The following ZMAT4 variants were observed in gnomAD, a reference collection of about 807,000 sequenced individuals.
ZMAT4 encodes the protein zinc finger matrin-type protein 4.
ZMAT4 carries 17 observed loss-of-function variants against 28.7 expected under a neutral mutation model. That is an observed-to-expected ratio of 0.59 (90% CI 0.41 to 0.89). The LOEUF (loss-of-function observed/expected upper bound fraction) is 0.89, where lower values mean the gene tolerates loss of function less well. Ranked by LOEUF, ZMAT4 falls within the 40% of genes least tolerant of loss-of-function variation. ZMAT4 has a pLI of 0.00. For missense variants in ZMAT4, 240 were observed against 283.8 expected (o/e 0.85, Z 1.11); for synonymous variants, 117 against 109.2 (o/e 1.07, Z -0.44).
At chr8:40,887,031 C>G (rs1008331265) in intron 1 of ZMAT4, among the ~76,000 whole-genome samples, 5 of 151,440 alleles carry the variant, frequency 3.3e-5, no homozygotes, top group Non-Finnish European at 5.9e-5. Flanking sequence ...ATTAACCTGG[C>G]GTGGTGGCGG....
chr8:40,611,733 CT>C (rs1203326489), intron 5 of ZMAT4, among the ~76,000 whole-genome samples: 4 of 152,184 alleles, frequency 2.6e-5, no homozygotes, highest in Non-Finnish European at 5.9e-5. Flanking sequence ...GGATTTCCTT[CT>C]GGAGAAAATG....
chr8:40,686,813 C>T (rs761766032), intron 4 of ZMAT4, among the ~76,000 whole-genome samples: 1 of 151,990 alleles, frequency 6.6e-6, no homozygotes, highest in South Asian at 2.1e-4. Flanking sequence ...GGTTCAATTT[C>T]ACAACCTTGT....
At chr8:40,879,559 A>T (rs1433935494) in intron 1 of ZMAT4, among the ~76,000 whole-genome samples, 1 of 152,242 alleles carries the variant, frequency 6.6e-6, no homozygotes, top group Non-Finnish European at 1.5e-5. Context: ...GCCAGGACGG[A>T]TCCATAGTAA....
At chr8:40,879,275 T>C (rs1019532137) in intron 1 of ZMAT4, among the ~76,000 whole-genome samples, 2 of 152,046 alleles carry the variant, frequency 1.3e-5, no homozygotes, top group Non-Finnish European at 2.9e-5. Flanking sequence ...TTTAAAAAAT[T>C]AGCCAGGCAT....
intron 3 of ZMAT4, among the ~76,000 whole-genome samples, chr8:40,729,330 G>A (rs2150524672): frequency 2.0e-5 from 3 of 152,238 alleles, no homozygotes; most frequent in Middle Eastern, 6.8e-3. Context: ...TCTGTGTATT[G>A]TGCTGACCTT....
intron 5 of ZMAT4, among the ~76,000 whole-genome samples, chr8:40,622,361 C>CT (rs1305961287): frequency 5.9e-5 from 9 of 152,184 alleles, no homozygotes; most frequent in African/African-American, 1.9e-4. Flanking sequence ...TTCTCCAACA[C>CT]TTAAGGGGAG....
At chr8:40,760,708 C>CTCTCTCTT (rs1554552276) in intron 3 of ZMAT4, among the ~76,000 whole-genome samples, 1 of 147,814 alleles carries the variant, frequency 6.8e-6, no homozygotes, top group African/African-American at 2.5e-5. Context: ...CTGTCACAGT[C>CTCTCTCTT]TCTCTCTCTC....
At chr8:40,631,438 G>A (rs1424435752) in intron 5 of ZMAT4, among the ~76,000 whole-genome samples, 6 of 152,150 alleles carry the variant, frequency 3.9e-5, no homozygotes, top group East Asian at 1.9e-4. Context: ...GATTACAAAC[G>A]TGAGCCACCG....
At chr8:40,606,349 A>C (rs757131047) in intron 5 of ZMAT4, among the ~76,000 whole-genome samples, 3 of 152,156 alleles carry the variant, frequency 2.0e-5, no homozygotes, top group Non-Finnish European at 4.4e-5. Context: ...AGCTCCTTTT[A>C]GCAGTTCTTG....
chr8:40,721,940 A>G (rs1004725567), intron 3 of ZMAT4, among the ~76,000 whole-genome samples: 2 of 152,038 alleles, frequency 1.3e-5, no homozygotes, highest in African/African-American at 2.4e-5. Flanking sequence ...TCCCTATTTA[A>G]TAAATTGTGC....
chr8:40,709,404 A>G (rs532967399), intron 3 of ZMAT4, among the ~76,000 whole-genome samples: 3 of 152,202 alleles, frequency 2.0e-5, no homozygotes, highest in Non-Finnish European at 2.9e-5. Flanking sequence ...ACACAAAAAA[A>G]TTTTTCAGTA....
chr8:40,697,428 T>C (rs1809939841), intron 3 of ZMAT4, 27 bp from the exon 4 acceptor site: 1 of 1,511,804 alleles, frequency 6.6e-7, no homozygotes, highest in African/African-American at 1.4e-5. Context: ...AAAGGCCACG[T>C]GTGAGAGAAA....
chr8:40,655,059 T>TACACACACACATACACACACACAC (rs1554534104), intron 5 of ZMAT4, among the ~76,000 whole-genome samples: 1 of 148,792 alleles, frequency 6.7e-6, no homozygotes, highest in African/African-American at 2.5e-5. Context: ...AAGGAATACC[T>TACACACACACATACACACACACAC]ACACACACAC....
intron 5 of ZMAT4, among the ~76,000 whole-genome samples, chr8:40,640,053 T>C (rs796386821): frequency 6.6e-6 from 1 of 152,304 alleles, no homozygotes; most frequent in East Asian, 1.9e-4. Flanking sequence ...CATAGTTCAC[T>C]GTAGCCTCAA....
At chr8:40,651,779 A>G (rs1417726400) in intron 5 of ZMAT4, among the ~76,000 whole-genome samples, 11 of 145,030 alleles carry the variant, frequency 7.6e-5, no homozygotes, top group Non-Finnish European at 1.2e-4. Context: ...ATAACGCCGC[A>G]TATCTACAAC....
rs1164690990 is a variant in ZMAT4, at chr8:40,742,230, AGAGT to A, written c.192+25407_192+25410del. ...ACCACCGCACTCCAGCCTGGGTGAC[AGAGT>A]GAGACCCTGTCTCGAAAAAAAAGTA... On this transcript the variant is annotated intron_variant, in intron 3 of 6. Transcript: ENST00000297737. Among the ~76,000 whole-genome samples the A allele has an allele frequency of 3.3e-5, 5 of 152,130 alleles. No homozygotes were observed. The South Asian group carries it at 1.0e-3, about 32-fold the overall frequency.
intron 2 of ZMAT4, among the ~76,000 whole-genome samples, chr8:40,824,314 A>G (rs1349891414): frequency 1.3e-5 from 2 of 152,206 alleles, no homozygotes; most frequent in Admixed American, 6.5e-5. Flanking sequence ...GTGCAGTGGC[A>G]TGTGCCTGTA....
In ZMAT4 at chr8:40,711,859, C is replaced by T. The variant is rs144462733; in HGVS notation, c.193-14458G>A. On this transcript the variant is annotated intron_variant, in intron 3 of 6. Coordinates refer to ENST00000297737, the MANE Select transcript of ZMAT4 (RefSeq NM_024645.3). ...TGGGAAAAGCTTCTGGAATGATTGG[C>T]AAAGATCTATTTCACAACCTGGGTA... 1.3e-4 allele frequency among the ~76,000 whole-genome samples: 20 copies of T among 152,188 alleles called. 1 individual carries two copies. The highest frequency in any genetic ancestry group is 2.2e-4 in the Non-Finnish European group (15 of 68,018).
At chr8:40,682,064 A>T (rs773277696) in intron 4 of ZMAT4, among the ~76,000 whole-genome samples, 8 of 152,174 alleles carry the variant, frequency 5.3e-5, no homozygotes, top group Non-Finnish European at 1.2e-4. Flanking sequence ...AACAATATAG[A>T]CTAGAAGGCT....
Sources: allele counts gnomAD v4.1 joint callset (sites outside exome capture counted in the v4.1 genomes callset), GRCh38; gene constraint gnomAD v4.1.1; transcripts MANE v1.5; gene names NCBI Gene and HGNC (gene_info 2026-07-23, HGNC 2026-07-21).